Variants in RB1 observed in about 807,000 individuals in gnomAD.
RB1 encodes retinoblastoma-associated protein.
RB1 carries 18 observed loss-of-function variants against 135.4 expected under a neutral mutation model. That is an observed-to-expected ratio of 0.13 (90% confidence interval 0.09 to 0.20). RB1 has a LOEUF of 0.20. Ranked by LOEUF, RB1 falls within the 10% of genes least tolerant of loss-of-function variation. The pLI is 1.00. For synonymous variants in RB1, 365 were observed against 373.2 expected (o/e 0.98, Z 0.25); for missense variants, 868 against 1,110.0 (o/e 0.78, Z 3.10).
At chr13:48,476,271 C>T (rs999673911) in intron 24 of RB1, 1 of 198,846 alleles carries the variant, frequency 5.0e-6, no homozygotes, top group Non-Finnish European at 1.0e-5. Context: ...TTGAACACAT[C>T]ATCTCTTATC....
intron 19 of RB1, among the ~76,000 whole-genome samples, chr13:48,458,419 C>T (rs1443657406): frequency 6.6e-6 from 1 of 152,034 alleles, no homozygotes; most frequent in Admixed American, 6.6e-5. Flanking sequence ...TAATCTTTTT[C>T]CTGATTTTAT....
intron 3 of RB1, among the ~76,000 whole-genome samples, chr13:48,344,327 C>G (rs117617222): frequency 6.6e-6 from 1 of 152,102 alleles, no homozygotes; most frequent in Admixed American, 6.5e-5. Flanking sequence ...GTATCTCTGA[C>G]AGGAGGGTGC....
chr13:48,461,779 G>A (rs1025668295), intron 20 of RB1, among the ~76,000 whole-genome samples: 2 of 151,952 alleles, frequency 1.3e-5, no homozygotes, highest in African/African-American at 4.8e-5. Flanking sequence ...CTGGCCATGT[G>A]TATATCTTCT....
At chr13:48,331,121 AG>A (rs1475827587) in intron 2 of RB1, among the ~76,000 whole-genome samples, 1 of 152,228 alleles carries the variant, frequency 6.6e-6, no homozygotes, top group Non-Finnish European at 1.5e-5. Flanking sequence ...TAGGTATAAA[AG>A]GAATGTACCT....
At position 48,412,260 on chromosome 13, in the gene RB1, T is replaced by TA. The variant is rs755103297; in HGVS notation, c.1695+30819dup. On this transcript the variant is annotated intron_variant, in intron 17 of 26. Transcript: ENST00000267163. ...GTCTGACATTGCCAAGTTAATCATG[T>TA]AAGTTGTAGTTTCATTTCGGACTTT... 6 of 1,614,014 alleles carry TA rather than the reference T, an allele frequency of 3.7e-6. No individual in the cohort carries two copies. In the African/African-American group the frequency reaches 8.0e-5, roughly 22 times the overall value.
At position 48,465,617 on chromosome 13, in the gene RB1, G is replaced by T. The variant is rs4151603; in HGVS notation, c.2489+249G>T. ...TCCCAGCGTGAGCGACGCAGAAGAC[G>T]GGTGATTTCTGCATTTCCATCTGAG... On this transcript the variant is annotated intron_variant, in intron 23 of 26. Transcript: ENST00000267163. Among the ~76,000 whole-genome samples, 1,665 of 152,044 alleles carry T rather than the reference G, an allele frequency of 0.011. 24 individuals carry two copies. The highest frequency in any genetic ancestry group is 0.039 in the African/African-American group (1,603 of 41,462).
chr13:48,388,615 C>T (rs1340513323), intron 17 of RB1, among the ~76,000 whole-genome samples: 1 of 152,144 alleles, frequency 6.6e-6, no homozygotes, highest in Non-Finnish European at 1.5e-5. Context: ...ATGGCAAGAT[C>T]TGTGATTTGA....
chr13:48,449,573 C>T (rs1487556229), intron 17 of RB1, among the ~76,000 whole-genome samples: 2 of 152,100 alleles, frequency 1.3e-5, no homozygotes, highest in African/African-American at 4.8e-5. Flanking sequence ...GCCTGGACAA[C>T]ATAGGGAGAC....
At chr13:48,392,659 A>C (rs768491385) in intron 17 of RB1, among the ~76,000 whole-genome samples, 1 of 152,068 alleles carries the variant, frequency 6.6e-6, no homozygotes, top group Non-Finnish European at 1.5e-5. Context: ...CTTCTTGAAC[A>C]TATGGGATAT....
chr13:48,432,686 G>C (rs997273020), intron 17 of RB1, among the ~76,000 whole-genome samples: 9 of 152,038 alleles, frequency 5.9e-5, no homozygotes, highest in African/African-American at 2.2e-4. Context: ...GACAGCCTAT[G>C]TCAACTGTCT....
At position 48,360,223 on chromosome 13, in the gene RB1, T is replaced by C; in HGVS notation, c.718+96T>C. The C allele has an allele frequency of 1.9e-6, 3 of 1,564,776 alleles. No homozygotes were observed. The South Asian group carries it at 3.5e-5, about 18-fold the overall frequency. On this transcript the variant is annotated intron_variant, in intron 7 of 26. Coordinates refer to ENST00000267163, the MANE Select transcript of RB1 (RefSeq NM_000321.3). ...AAACATGGTTCTAAGGCTGACAGGA[T>C]GATAAAAAATAAATCAGACATGGAC...
At chr13:48,379,865 C>G (rs992359634) in intron 14 of RB1, among the ~76,000 whole-genome samples, 188 bp from the exon 15 acceptor site, 7 of 147,738 alleles carry the variant, frequency 4.7e-5, no homozygotes, top group African/African-American at 1.5e-4. Flanking sequence ...CAGGCTGAGG[C>G]AGGAGAATCC....
At chr13:48,371,746 G>A (rs966003051) in intron 11 of RB1, among the ~76,000 whole-genome samples, 9 of 152,194 alleles carry the variant, frequency 5.9e-5, no homozygotes, top group Admixed American at 3.3e-4. Flanking sequence ...CCTAAAGGAT[G>A]CTAGCATTAA....
intron 17 of RB1, among the ~76,000 whole-genome samples, chr13:48,398,324 A>G (rs534307045): frequency 6.6e-6 from 1 of 152,248 alleles, no homozygotes; most frequent in South Asian, 2.1e-4. Context: ...CTTGACTTCC[A>G]CAGCTAAATA....
intron 18 of RB1, among the ~76,000 whole-genome samples, chr13:48,453,862 A>T (rs1042344874): frequency 6.6e-6 from 1 of 152,226 alleles, no homozygotes; most frequent in South Asian, 2.1e-4. Flanking sequence ...GATAAGGTGA[A>T]CATAGAGTCA....
chr13:48,329,724 G>C (rs563451949), intron 2 of RB1, among the ~76,000 whole-genome samples: 4 of 152,096 alleles, frequency 2.6e-5, no homozygotes, highest in Admixed American at 1.3e-4. Flanking sequence ...TACCTCCTCA[G>C]GACATATTCC....
rs547342969 is a variant in RB1, at chr13:48,320,021, G to T, written c.264+12615G>T. ...AGCCCTGGAAGGCTGGGCTGCGCCT[G>T]GCTGGCCCCTGCCAGCCCCGGGCTG... On this transcript the variant is annotated intron_variant, in intron 2 of 26. Transcript: ENST00000267163. The T allele has an allele frequency of 7.4e-4, 331 of 448,022 alleles. 1 individual carries two copies. The highest frequency in any genetic ancestry group is 6.3e-3 in the African/African-American group (309 of 49,016). The allele number at this position is 448,022 out of a possible 1,614,324, so 27.8% of individuals were successfully genotyped here.
rs191499901 is a variant in RB1, at chr13:48,341,633, T to A, written c.265-966T>A. On this transcript the variant is annotated intron_variant, in intron 2 of 26. Transcript: ENST00000267163. ...GTGGGTGTATAATTGTAATTTAAGT[T>A]GTAAAATATTTACATCCCAAGTAGC... is the stretch of plus-strand genomic sequence containing the variant. 4.7e-3 allele frequency among the ~76,000 whole-genome samples: 716 copies of A among 152,126 alleles called. 2 individuals are homozygous for A. Among genetic ancestry groups the A allele is most frequent in the African/African-American group, 0.016 (677 of 41,554 alleles).
At chr13:48,307,229 C>A (rs1566175229) in intron 1 of RB1, 51 bp from the exon 2 acceptor site, 1 of 1,485,110 alleles carries the variant, frequency 6.7e-7, no homozygotes, top group South Asian at 1.1e-5. Flanking sequence ...TGTACTGAAT[C>A]AATTTGATTT....
Sources: allele counts gnomAD v4.1 joint callset (sites outside exome capture counted in the v4.1 genomes callset), GRCh38; gene constraint gnomAD v4.1.1; transcripts MANE v1.5; gene names NCBI Gene and HGNC (gene_info 2026-07-23, HGNC 2026-07-21).